HIP1: variants seen among roughly 807,000 people sequenced by gnomAD.
HIP1 encodes the protein huntingtin-interacting protein 1.
In HIP1, 65 loss-of-function variants were observed where a neutral mutation model predicts 147.6. The ratio of observed to expected loss-of-function variants is 0.44; its 90% confidence interval spans 0.36 to 0.54. The LOEUF is 0.54. Among genes scored for constraint, HIP1 ranks in the 20% least tolerant of loss-of-function variants. HIP1 has a pLI of 0.00. For missense variants in HIP1, 1,061 were observed against 1,299.6 expected, an observed-to-expected ratio of 0.82 and a Z score of 2.82; for synonymous variants, 479 against 504.0, an observed-to-expected ratio of 0.95 and a Z score of 0.67.
chr7:75,561,114 G>A (rs192998044), intron 13 of HIP1, among the ~76,000 whole-genome samples: 1 of 151,998 alleles, frequency 6.6e-6, no homozygotes, highest in Non-Finnish European at 1.5e-5. Flanking sequence ...CAACACACCC[G>A]GCTAATTATT....
At chr7:75,616,713 C>T (rs1797682118) in intron 1 of HIP1, among the ~76,000 whole-genome samples, 1 of 152,234 alleles carries the variant, frequency 6.6e-6, no homozygotes. Context: ...TGTTTGCTGG[C>T]CCCTGGACTA....
At chr7:75,651,401 G>A (rs1554511925) in intron 1 of HIP1, among the ~76,000 whole-genome samples, 1 of 138,820 alleles carries the variant, frequency 7.2e-6, no homozygotes, top group Non-Finnish European at 1.5e-5. Context: ...GGAGGTTGCA[G>A]TGAGCCAAGA....
intron 1 of HIP1, among the ~76,000 whole-genome samples, chr7:75,669,007 C>T (rs1799649460): frequency 6.7e-6 from 1 of 149,474 alleles, no homozygotes; most frequent in African/African-American, 2.5e-5. Context: ...CACTTGAAGT[C>T]AGGAGTTGGA....
intron 1 of HIP1, among the ~76,000 whole-genome samples, chr7:75,696,401 T>C (rs1387758043): frequency 6.6e-6 from 1 of 152,170 alleles, no homozygotes; most frequent in Non-Finnish European, 1.5e-5. Flanking sequence ...TTTACTATTA[T>C]GCATGCAGCT....
intron 1 of HIP1, among the ~76,000 whole-genome samples, chr7:75,695,319 T>G (rs1800599723): frequency 6.6e-6 from 1 of 152,170 alleles, no homozygotes; most frequent in Non-Finnish European, 1.5e-5. Flanking sequence ...TATCCTCTGA[T>G]CACCTGGATG....
chr7:75,546,930 C>A lies in HIP1; in HGVS notation c.2559+9G>T, dbSNP rs781854357. ...CCTCTTCCTGCCCAGGGCCCACACC[C>A]ACGCTCACCCTGCCGCTCTCCACAA... is the stretch of plus-strand genomic sequence containing the variant. On this transcript the variant is annotated intron_variant, in intron 25 of 30. Coordinates refer to ENST00000336926, the MANE Select transcript of HIP1 (RefSeq NM_005338.7). 5.8e-6 allele frequency: 9 copies of A among 1,554,818 alleles called. No individual in the cohort carries two copies. The highest frequency in any genetic ancestry group is 7.8e-6 in the Non-Finnish European group (9 of 1,147,130).
rs782796890 is a variant in HIP1 at position 75,588,977 on chromosome 7, C to G, written c.385-2144G>C. Among the ~76,000 whole-genome samples, 30 of 151,610 alleles carry G rather than the reference C, an allele frequency of 2.0e-4. No individual in the cohort carries two copies. In the South Asian group the frequency reaches 5.0e-3, roughly 25 times the overall value. On this transcript the variant is annotated intron_variant, in intron 4 of 30. Coordinates refer to ENST00000336926, the MANE Select transcript of HIP1 (RefSeq NM_005338.7). ...ACCAGCCTAGCCAACATGGTGAAAC[C>G]CCATCTCTATTAAACATACAAAATT...
chr7:75,551,189 A>ATTTTTTTTTTTTTT (rs55679922), intron 22 of HIP1, among the ~76,000 whole-genome samples: 1,618 of 77,378 alleles, frequency 0.021, 377 homozygotes, highest in African/African-American at 0.035. Flanking sequence ...GTAGATGATA[A>ATTTTTTTTTTTTTT]TTTTTTTTTT....
At chr7:75,665,536 T>A (rs1799530176) in intron 1 of HIP1, among the ~76,000 whole-genome samples, 1 of 149,014 alleles carries the variant, frequency 6.7e-6, no homozygotes, top group Non-Finnish European at 1.5e-5. Context: ...CTTCTCATTT[T>A]TCCGTAGTCA....
chr7:75,724,711 C>A (rs1355394041), intron 1 of HIP1, among the ~76,000 whole-genome samples: 5 of 152,094 alleles, frequency 3.3e-5, no homozygotes, highest in Non-Finnish European at 5.9e-5. Context: ...AAATTTAGGG[C>A]CTGTGTGCCA....
intron 1 of HIP1, among the ~76,000 whole-genome samples, chr7:75,706,581 T>C (rs192550675): frequency 0.035 from 5,244 of 147,918 alleles, 125 homozygotes; most frequent in Non-Finnish European, 0.057. Flanking sequence ...GATACATAGG[T>C]ATACACGTGC....
chr7:75,622,552 T>C (rs1797878410), intron 1 of HIP1, among the ~76,000 whole-genome samples: 1 of 151,450 alleles, frequency 6.6e-6, no homozygotes, highest in Non-Finnish European at 1.5e-5. Flanking sequence ...AATACAAACA[T>C]TGCAAGTCTT....
At chr7:75,707,706 A>G (rs1801046274) in intron 1 of HIP1, among the ~76,000 whole-genome samples, 1 of 147,966 alleles carries the variant, frequency 6.8e-6, no homozygotes, top group African/African-American at 2.5e-5. Flanking sequence ...ACTATACTAC[A>G]AGGCTACAGT....
At chr7:75,582,005 AC>A in intron 6 of HIP1, 69 bp downstream of exon 6, 1 of 1,304,328 alleles carries the variant, frequency 7.7e-7, no homozygotes, top group Non-Finnish European at 1.1e-6. Context: ...GCCCTCCATG[AC>A]CCTTATGAGA....
chr7:75,648,798 G>A lies in HIP1; in HGVS notation c.121-49551C>T, dbSNP rs556381755. ...AGAGAGCAGACCCTGGGAATGGGAG[G>A]CAGTGGGGACATTAAGAGGAATCAG... On this transcript the variant is annotated intron_variant, in intron 1 of 30. Transcript: ENST00000336926. Among the ~76,000 whole-genome samples, 3 of 152,138 alleles carry A rather than the reference G, an allele frequency of 2.0e-5. No individual in the cohort carries two copies. The South Asian group carries it at 6.2e-4, about 32-fold the overall frequency.
chr7:75,560,467 G>C (rs782010360), intron 13 of HIP1, among the ~76,000 whole-genome samples: 1 of 152,186 alleles, frequency 6.6e-6, no homozygotes, highest in Middle Eastern at 3.2e-3. Context: ...GCCCAAGCTA[G>C]TCTTGAACTG....
In HIP1 at chr7:75,546,944, C is replaced by G. The variant is rs782809924; in HGVS notation, c.2554G>C (p.Gly852Arg). ...GGGCCCACACCCACGCTCACCCTGCCGCTCTCCACAATCTCTCTCTGGAGG... is the reference window on the plus strand; with the variant it reads ...GGGCCCACACCCACGCTCACCCTGCGGCTCTCCACAATCTCTCTCTGGAGG... ...KDLQREIVES[G>R]RGTASPKEFY... The change falls in exon 25 of 31, where the codon GGC becomes CGC. Residue 852 changes from glycine to arginine, a missense_variant. Physicochemically the swap from Gly to Arg is moderately radical, Grantham distance 125. Around this residue, in one of 3 missense-constraint regions of HIP1, gnomAD observed 810 missense variants for 946.8 expected, o/e 0.86. Transcript: ENST00000336926. 2 of 1,567,442 alleles carry G rather than the reference C, an allele frequency of 1.3e-6. No individual in the cohort carries two copies. The highest frequency in any genetic ancestry group is 4.7e-5 in the East Asian group (2 of 42,984).
chr7:75,601,052 C>T (rs1554502836), intron 1 of HIP1, among the ~76,000 whole-genome samples: 7 of 152,218 alleles, frequency 4.6e-5, no homozygotes, highest in Admixed American at 4.6e-4. Flanking sequence ...GCCACTGTCC[C>T]CAGCCAGGAA....
At chr7:75,558,069 T>C (rs1554493784) in intron 15 of HIP1, 98 bp downstream of exon 15, 7 of 918,200 alleles carry the variant, frequency 7.6e-6, no homozygotes, top group African/African-American at 3.2e-5. Flanking sequence ...TAGAGATCAA[T>C]GTAGGGGTTG....
Sources: gnomAD v4.1 joint callset for allele counts (sites outside exome capture counted in the v4.1 genomes callset) on GRCh38, gnomAD v4.1.1 for gene constraint, gnomAD v4.1.1 regional missense constraint, MANE v1.5 for transcripts, NCBI Gene and HGNC (gene_info 2026-07-23, HGNC 2026-07-21) for gene names.